Variants in TCF7L2 observed in about 807,000 individuals in gnomAD.
TCF7L2 encodes the protein transcription factor 7-like 2.
Under a neutral mutation model 77.9 loss-of-function variants are expected in TCF7L2, and 23 were observed. The ratio of observed to expected loss-of-function variants is 0.30; its 90% CI spans 0.21 to 0.42. The LOEUF is 0.42. TCF7L2 is among the 10% of genes least tolerant of loss of function. The probability of loss-of-function intolerance (pLI) is 1.00; values close to 1 mark genes in which losing one functional copy is unlikely to be tolerated. For missense variants in TCF7L2, 654 were observed against 793.1 expected, an observed-to-expected ratio of 0.82 and a Z score of 2.11; for synonymous variants, 413 against 340.2, an observed-to-expected ratio of 1.21 and a Z score of -2.36.
chr10:113,072,798 G>C (rs1413264444), intron 5 of TCF7L2, among the ~76,000 whole-genome samples: 1 of 152,170 alleles, frequency 6.6e-6, no homozygotes, highest in Non-Finnish European at 1.5e-5. Context: ...TTCTTGCCTC[G>C]ATCTGTAGCA....
intron 5 of TCF7L2, among the ~76,000 whole-genome samples, chr10:113,055,328 A>G (rs1444967472): frequency 6.6e-6 from 1 of 152,176 alleles, no homozygotes; most frequent in African/African-American, 2.4e-5. Context: ...TGGGTATGCA[A>G]CGGCATCTTA....
At chr10:112,955,604 G>C (rs2033345413) in intron 3 of TCF7L2, among the ~76,000 whole-genome samples, 1 of 152,156 alleles carries the variant, frequency 6.6e-6, no homozygotes, top group Non-Finnish European at 1.5e-5. Flanking sequence ...GATGCCCTCT[G>C]TGTCTGATTG....
intron 3 of TCF7L2, among the ~76,000 whole-genome samples, chr10:112,963,735 C>A (rs2035867798): frequency 6.6e-6 from 1 of 152,176 alleles, no homozygotes; most frequent in African/African-American, 2.4e-5. Flanking sequence ...TCTTGCTCTT[C>A]CTATTTCGGG....
intron 5 of TCF7L2, among the ~76,000 whole-genome samples, chr10:113,101,946 C>G (rs376519072): frequency 6.6e-6 from 1 of 150,390 alleles, no homozygotes; most frequent in East Asian, 2.0e-4. Flanking sequence ...TGAGACCAGC[C>G]TGGGCAACAT....
intron 5 of TCF7L2, among the ~76,000 whole-genome samples, chr10:113,111,070 A>G (rs1309908771): frequency 6.6e-6 from 1 of 151,718 alleles, no homozygotes; most frequent in Non-Finnish European, 1.5e-5. Context: ...GGTGATTAAA[A>G]ACTTGTGCTT....
chr10:112,980,074 T>G (rs2040199447), intron 4 of TCF7L2, among the ~76,000 whole-genome samples: 1 of 152,234 alleles, frequency 6.6e-6, no homozygotes, highest in African/African-American at 2.4e-5. Context: ...TTGTGTTCCA[T>G]GAGTTTTATG....
intron 5 of TCF7L2, among the ~76,000 whole-genome samples, chr10:113,092,407 A>G (rs916278793): frequency 2.0e-5 from 3 of 152,158 alleles, no homozygotes; most frequent in Admixed American, 1.3e-4. Flanking sequence ...GTAAAGCGGG[A>G]GCTTGATGAG....
intron 4 of TCF7L2, among the ~76,000 whole-genome samples, chr10:113,036,023 AGGAAATACT>A (rs941381419): frequency 5.9e-5 from 9 of 152,182 alleles, no homozygotes; most frequent in African/African-American, 1.9e-4. Context: ...AGTCACTGAA[AGGAAATACT>A]GGAAATACTG....
chr10:112,956,767 T>G (rs2033721298), intron 3 of TCF7L2, among the ~76,000 whole-genome samples: 1 of 152,228 alleles, frequency 6.6e-6, no homozygotes, highest in African/African-American at 2.4e-5. Context: ...AGGCTTTATT[T>G]ACAGCCCATA....
At chr10:113,164,469 C>T (rs995701810) in intron 13 of TCF7L2, among the ~76,000 whole-genome samples, 2 of 152,130 alleles carry the variant, frequency 1.3e-5, no homozygotes, top group Non-Finnish European at 2.9e-5. Context: ...CCGGCTTGTG[C>T]TGCACCCTCC....
Position 113,165,789 on chromosome 10 carries a change from G to A in TCF7L2, c.1626G>A (p.Glu542=), listed in dbSNP as rs2137653372. ...CGCCACCCGCCCTCCTGCTCGCTGA[G>A]GCCACCCACAAGGCCTCCGCCCTCT... Residue 542 remains glutamate, a synonymous_variant, in exon 14 of 14, where the codon GAG becomes GAA. Transcript: ENST00000627217. 1.2e-6 allele frequency: 2 copies of A among 1,605,092 alleles called. No homozygotes were observed. Among genetic ancestry groups the A allele is most frequent in the Non-Finnish European group, 1.7e-6 (2 of 1,175,280 alleles).
intron 5 of TCF7L2, among the ~76,000 whole-genome samples, chr10:113,119,752 G>C (rs567173825): frequency 7.9e-5 from 12 of 152,014 alleles, no homozygotes; most frequent in Admixed American, 5.2e-4. Flanking sequence ...TATTGGATTT[G>C]TGTGTATAAT....
intron 5 of TCF7L2, among the ~76,000 whole-genome samples, chr10:113,059,710 G>T (rs888141867): frequency 6.6e-6 from 1 of 152,148 alleles, no homozygotes; most frequent in Non-Finnish European, 1.5e-5. Context: ...TTTCAAGGCA[G>T]CAGGGAGAGT....
At chr10:112,981,619 A>C (rs2040484582) in intron 4 of TCF7L2, among the ~76,000 whole-genome samples, 1 of 152,224 alleles carries the variant, frequency 6.6e-6, no homozygotes, top group African/African-American at 2.4e-5. Flanking sequence ...ATAGCAGTGA[A>C]AGGAGCCCGA....
rs571274069 is a variant in TCF7L2, at chr10:112,962,373, T to C, written c.382-2183T>C. Among the ~76,000 whole-genome samples, 9 of 100,122 alleles carry C rather than the reference T, an allele frequency of 9.0e-5. No individual in the cohort carries two copies. The South Asian group carries it at 2.7e-3, about 30-fold the overall frequency. 65.7% of individuals were successfully genotyped at this position (100,122 alleles called of 152,430 possible). A position where few individuals can be genotyped will look rare whatever the true frequency, so the allele number is the denominator to read the frequency against. On this transcript the variant is annotated intron_variant, in intron 3 of 13. Coordinates refer to ENST00000627217, the MANE Select transcript of TCF7L2 (RefSeq NM_001146274.2). ...GACAAGTTGTTAGTGTTGCCTACTCTGCTTTGAAGGAGAACCCTCCTCAGA... is the reference window on the plus strand; with the variant it reads ...GACAAGTTGTTAGTGTTGCCTACTCCGCTTTGAAGGAGAACCCTCCTCAGA...
At chr10:113,132,304 C>T (rs2066726407) in intron 5 of TCF7L2, among the ~76,000 whole-genome samples, 1 of 152,192 alleles carries the variant, frequency 6.6e-6, no homozygotes, top group Non-Finnish European at 1.5e-5. Context: ...TTTTCAAATG[C>T]AGGCTGAGAT....
chr10:112,999,590 G>C (rs75234114), intron 4 of TCF7L2, among the ~76,000 whole-genome samples: 2 of 152,294 alleles, frequency 1.3e-5, no homozygotes, highest in East Asian at 3.9e-4. Flanking sequence ...TTGCTGGTTA[G>C]TTATTCTCAT....
chr10:113,128,517 G>A (rs191423918), intron 5 of TCF7L2, among the ~76,000 whole-genome samples: 1 of 152,144 alleles, frequency 6.6e-6, no homozygotes, highest in East Asian at 1.9e-4. Context: ...GTGTCCTGCC[G>A]CCAGAAGAAA....
intron 3 of TCF7L2, among the ~76,000 whole-genome samples, chr10:112,961,894 T>C (rs2035353324): frequency 8.5e-6 from 1 of 117,252 alleles, no homozygotes; most frequent in African/African-American, 4.5e-5. Flanking sequence ...TGTGCGTGTA[T>C]GTGTGTGTGT....
Sources: gnomAD v4.1 joint callset for allele counts (sites outside exome capture counted in the v4.1 genomes callset) on GRCh38, gnomAD v4.1.1 for gene constraint, MANE v1.5 for transcripts, NCBI Gene and HGNC (gene_info 2026-07-23, HGNC 2026-07-21) for gene names.